Variants in HIPK3 observed in about 807,000 individuals in gnomAD.
The protein encoded by HIPK3 is homeodomain interacting protein kinase 3.
In HIPK3, 47 loss-of-function variants were observed where a neutral mutation model predicts 124.2. The observed-to-expected ratio is 0.38, with a 90% CI of 0.30 to 0.48. The LOEUF (loss-of-function observed/expected upper bound fraction) is 0.48. Among genes scored for constraint, HIPK3 ranks in the 20% least tolerant of loss-of-function variants. The probability of loss-of-function intolerance (pLI) is 0.98; values close to 1 mark genes in which losing one functional copy is unlikely to be tolerated. For synonymous variants in HIPK3, 482 were observed against 515.2 expected, an observed-to-expected ratio of 0.94 and a Z score of 0.87; for missense variants, 1,286 against 1,454.3, an observed-to-expected ratio of 0.88 and a Z score of 1.88.
At chr11:33,303,960 T>C (rs1852078276) in intron 2 of HIPK3, among the ~76,000 whole-genome samples, 1 of 152,098 alleles carries the variant, frequency 6.6e-6, no homozygotes, top group East Asian at 1.9e-4. Context: ...TATTATGTTT[T>C]TGAAATGGAG....
At chr11:33,289,796 C>G (rs1486045631) in intron 2 of HIPK3, among the ~76,000 whole-genome samples, 1 of 152,190 alleles carries the variant, frequency 6.6e-6, no homozygotes, top group African/African-American at 2.4e-5. Flanking sequence ...TTAATCATCT[C>G]TACTCCCTAC....
chr11:33,260,757 A>G (rs1333113147), intron 1 of HIPK3, among the ~76,000 whole-genome samples: 4 of 152,234 alleles, frequency 2.6e-5, no homozygotes, highest in Admixed American at 6.5e-5. Context: ...ATATTTAAAT[A>G]TCCTTCCAGA....
chr11:33,299,855 C>G (rs533163027), intron 2 of HIPK3, among the ~76,000 whole-genome samples: 1 of 151,708 alleles, frequency 6.6e-6, no homozygotes, highest in Non-Finnish European at 1.5e-5. Flanking sequence ...GGGACCTCAT[C>G]TCTACAAAAA....
At chr11:33,318,371 C>T (rs1590395894) in intron 2 of HIPK3, among the ~76,000 whole-genome samples, 1 of 151,942 alleles carries the variant, frequency 6.6e-6, no homozygotes, top group East Asian at 1.9e-4. Context: ...GTGACTGGCC[C>T]AAAAGTCCAG....
intron 1 of HIPK3, chr11:33,258,725 C>G: frequency 1.0e-6 from 1 of 985,162 alleles, no homozygotes; most frequent in Non-Finnish European, 1.2e-6. Flanking sequence ...TTGTTCCCGT[C>G]TCATCTCTGC....
rs781014056 is a variant in HIPK3 at position 33,353,418 on chromosome 11, G to A, written c.3498G>A (p.Val1166=). The A allele has an allele frequency of 2.5e-6, 4 of 1,613,992 alleles. No homozygotes were observed. In the South Asian group the frequency reaches 4.4e-5, roughly 18 times the overall value. Residue 1166 remains valine (V), a synonymous_variant, in exon 17 of 17, where the codon GTG becomes GTA. Transcript: ENST00000303296. Reference sequence around the variant, plus strand: ...GTGGCATAGTTCACCAAGTCCCAGTGGGCTTAAATCCCCGTCTGTTACCAT... The same window carrying A: ...GTGGCATAGTTCACCAAGTCCCAGTAGGCTTAAATCCCCGTCTGTTACCAT... ...HPSGIVHQVP[V]GLNPRLLPSP... is the part of the protein sequence containing the mutation.
intron 8 of HIPK3, among the ~76,000 whole-genome samples, chr11:33,346,887 TATC>T (rs1367493968): frequency 6.6e-6 from 1 of 152,122 alleles, no homozygotes; most frequent in African/African-American, 2.4e-5. Flanking sequence ...CAGAGAATGG[TATC>T]ATAACTCCAC....
rs1433646199 is a variant in HIPK3, at chr11:33,289,552, ATATT to A, written c.1097+2045_1097+2048del. ...TTTTATGGGTCCATAGTAGGTATATATATTTATGAGGTATTTGAGATATTTTGAT... is the reference window on the plus strand; with the variant it reads ...TTTTATGGGTCCATAGTAGGTATATATATGAGGTATTTGAGATATTTTGAT... On this transcript the variant is annotated intron_variant, in intron 2 of 16. Coordinates refer to ENST00000303296, the MANE Select transcript of HIPK3 (RefSeq NM_005734.5). Among the ~76,000 whole-genome samples the A allele has an allele frequency of 3.9e-5, 6 of 152,302 alleles. No homozygotes were observed. The East Asian group carries it at 1.2e-3, about 29-fold the overall frequency.
At chr11:33,279,084 T>C (rs1271715707) in intron 1 of HIPK3, among the ~76,000 whole-genome samples, 6 of 151,374 alleles carry the variant, frequency 4.0e-5, no homozygotes, top group African/African-American at 1.5e-4. Flanking sequence ...GAGGCTGAGG[T>C]GGGTGGATGG....
intron 1 of HIPK3, among the ~76,000 whole-genome samples, chr11:33,265,415 T>C (rs1850926436): frequency 6.6e-6 from 1 of 152,218 alleles, no homozygotes; most frequent in East Asian, 1.9e-4. Context: ...GATCACAGAC[T>C]GTGGCCACAA....
chr11:33,285,532 C>G (rs970972913), intron 1 of HIPK3, among the ~76,000 whole-genome samples: 1 of 148,926 alleles, frequency 6.7e-6, no homozygotes, highest in African/African-American at 2.5e-5. Context: ...TATTTAAAAT[C>G]CCTGCCATAG....
chr11:33,276,296 A>C (rs1851268247), intron 1 of HIPK3, among the ~76,000 whole-genome samples: 1 of 152,174 alleles, frequency 6.6e-6, no homozygotes, highest in Non-Finnish European at 1.5e-5. Flanking sequence ...GTGATCTGAA[A>C]ACTTCCTCAG....
In HIPK3 at chr11:33,300,021, CA is replaced by C. The variant is rs58435948; in HGVS notation, c.1097+12533del. ...TGGGTGACAGAGTGAGACCCTGTCT[CA>C]AAAAAAAAAAAAAAAAAAAAAAGAA... is the stretch of plus-strand genomic sequence containing the variant. On this transcript the variant is annotated intron_variant, in intron 2 of 16. Transcript: ENST00000303296. Among the ~76,000 whole-genome samples, 694 of 95,112 alleles carry C rather than the reference CA, an allele frequency of 7.3e-3. 2 individuals are homozygous for C. The highest frequency in any genetic ancestry group is 0.011 in the Non-Finnish European group (535 of 49,086). 62.4% of individuals were successfully genotyped at this position (95,112 alleles called of 152,430 possible).
At chr11:33,312,053 T>C (rs1414163699) in intron 2 of HIPK3, among the ~76,000 whole-genome samples, 1 of 151,928 alleles carries the variant, frequency 6.6e-6, no homozygotes, top group Non-Finnish European at 1.5e-5. Flanking sequence ...AGAGACAGGG[T>C]CTTGCTATGT....
intron 2 of HIPK3, among the ~76,000 whole-genome samples, chr11:33,296,703 CTATATAA>C (rs1295471078): frequency 2.6e-5 from 4 of 152,120 alleles, no homozygotes; most frequent in African/African-American, 4.8e-5. Flanking sequence ...CAGACTGTGC[CTATATAA>C]GATGGTGAAC....
Position 33,264,228 on chromosome 11 carries a change from T to C in HIPK3, c.-3+6339T>C, listed in dbSNP as rs80059262. ...TAGAGAAGCATAATAAAGGAAAATGTAGTATTTGCTCATTTGAGCTGTACT... is the reference window on the plus strand; with the variant it reads ...TAGAGAAGCATAATAAAGGAAAATGCAGTATTTGCTCATTTGAGCTGTACT... On this transcript the variant is annotated intron_variant, in intron 1 of 16. Coordinates refer to ENST00000303296, the MANE Select transcript of HIPK3 (RefSeq NM_005734.5). Among the ~76,000 whole-genome samples, 929 of 152,306 alleles carry C rather than the reference T, an allele frequency of 6.1e-3. 8 individuals are homozygous for C. The highest frequency in any genetic ancestry group is 0.021 in the African/African-American group (880 of 41,574).
chr11:33,332,247 T>C (rs1853008572), intron 3 of HIPK3, among the ~76,000 whole-genome samples: 1 of 152,256 alleles, frequency 6.6e-6, no homozygotes, highest in Non-Finnish European at 1.5e-5. Context: ...TGAAAATTTA[T>C]AATTTCATAT....
intron 2 of HIPK3, among the ~76,000 whole-genome samples, chr11:33,322,791 A>C (rs542211990): frequency 6.6e-6 from 1 of 152,286 alleles, no homozygotes; most frequent in East Asian, 1.9e-4. Context: ...GCGCCACTGC[A>C]CTCCAGCCTG....
chr11:33,337,029 G>A (rs1247229949), intron 3 of HIPK3, 46 bp from the exon 4 acceptor site: 1 of 1,435,214 alleles, frequency 7.0e-7, no homozygotes, highest in Non-Finnish European at 9.6e-7. Context: ...TAAGTGTTCT[G>A]TCACATGAAA....
Sources: gnomAD v4.1 joint callset for allele counts (sites outside exome capture counted in the v4.1 genomes callset) on GRCh38, gnomAD v4.1.1 for gene constraint, MANE v1.5 for transcripts, NCBI Gene and HGNC (gene_info 2026-07-23, HGNC 2026-07-21) for gene names.